NCAPG: variants seen among roughly 807,000 people sequenced by gnomAD.
The protein encoded by NCAPG is non-SMC condensin I complex subunit G.
Under a neutral mutation model 113.1 loss-of-function variants are expected in NCAPG, and 69 were observed. The observed-to-expected ratio is 0.61, with a 90% CI of 0.50 to 0.75. The LOEUF is 0.75. Among genes scored for constraint, NCAPG ranks in the 30% least tolerant of loss-of-function variants. The pLI, the probability that NCAPG is intolerant of heterozygous loss-of-function variation, is 0.00. For synonymous variants in NCAPG, 370 were observed against 415.8 expected, an observed-to-expected ratio of 0.89 and a Z score of 1.34; for missense variants, 1,058 against 1,177.0, an observed-to-expected ratio of 0.90 and a Z score of 1.48.
chr4:17,821,110 T>A (rs1159710729), intron 7 of NCAPG, among the ~76,000 whole-genome samples: 2 of 152,110 alleles, frequency 1.3e-5, no homozygotes, highest in Admixed American at 6.6e-5. Context: ...AACAACTGTT[T>A]GAATTTACTT....
At chr4:17,825,659 C>T in intron 11 of NCAPG, 98 bp downstream of exon 11, 1 of 1,069,498 alleles carries the variant, frequency 9.4e-7, no homozygotes, top group South Asian at 1.6e-5. Context: ...AATATATTTA[C>T]TTTGAGCACT....
At chr4:17,814,820 C>T in intron 3 of NCAPG, 33 bp from the exon 4 acceptor site, 1 of 1,580,982 alleles carries the variant, frequency 6.3e-7, no homozygotes, top group East Asian at 2.2e-5. Context: ...TAAATAATTT[C>T]ATCAGTACTA....
In NCAPG at chr4:17,840,097, A is replaced by C. The variant is rs774865381; in HGVS notation, c.2655A>C (p.Arg885Ser). Residue 885 changes from arginine to serine, a missense_variant, in exon 18 of 21, where the codon AGA (arginine) becomes AGC (serine). By Grantham distance (110) the Arg-to-Ser change is moderately radical (BLOSUM62 -1). Coordinates refer to ENST00000251496, the MANE Select transcript of NCAPG (RefSeq NM_022346.5). Reference sequence around the variant, plus strand: ...AAGTAAAAGATAGGACATGTCTGAGAGCTTTGGAGAAAATCAAGATTCAGT... The same window carrying C: ...AAGTAAAAGATAGGACATGTCTGAGCGCTTTGGAGAAAATCAAGATTCAGT... ...LEQVKDRTCL[R>S]ALEKIKIQLE... 1.2e-6 allele frequency: 2 copies of C among 1,610,324 alleles called. No individual in the cohort carries two copies. The highest frequency in any genetic ancestry group is 2.2e-5 in the East Asian group (1 of 44,752).
chr4:17,813,074 T>C lies in NCAPG; in HGVS notation c.473T>C (p.Val158Ala), dbSNP rs1226797815. ...AGATTGAAAGATAAGATTCCAAATG[T>C]GAGAATACAGGCAGTTCTGGCGCTT... is the stretch of plus-strand genomic sequence containing the variant. ...LIRLKDKIPN[V>A]RIQAVLALSR... Residue 158 changes from valine to alanine, a missense_variant, in exon 3 of 21, where the codon GTG (valine) becomes GCG (alanine). Val to Ala is a moderately conservative substitution (Grantham distance 64). Coordinates refer to ENST00000251496, the MANE Select transcript of NCAPG (RefSeq NM_022346.5). The C allele has an allele frequency of 6.2e-7, 1 of 1,614,096 alleles. No homozygotes were observed. The highest frequency in any genetic ancestry group is 1.1e-5 in the South Asian group (1 of 91,086).
At chr4:17,840,765 G>A in intron 19 of NCAPG, 72 bp downstream of exon 19, 2 of 999,980 alleles carry the variant, frequency 2.0e-6, no homozygotes, top group Non-Finnish European at 2.8e-6. Context: ...TACTTGTTTT[G>A]CAAGTTTTCT....
chr4:17,832,091 T>C (rs1032602249), intron 13 of NCAPG, among the ~76,000 whole-genome samples: 1 of 152,230 alleles, frequency 6.6e-6, no homozygotes, highest in African/African-American at 2.4e-5. Context: ...TTATGGACAC[T>C]GAAATTTGAA....
intron 17 of NCAPG, 54 bp from the exon 18 acceptor site, chr4:17,840,017 C>T (rs1196530084): frequency 1.3e-6 from 2 of 1,543,898 alleles, no homozygotes; most frequent in Non-Finnish European, 1.7e-6. Context: ...GTACTATTTT[C>T]AAAGATTAGG....
rs1185816352 is a variant in NCAPG, at chr4:17,843,742, A to C, written c.*317A>C. On this transcript the variant is annotated 3_prime_UTR_variant, in exon 21 of 21. Coordinates refer to ENST00000251496, the MANE Select transcript of NCAPG (RefSeq NM_022346.5). ...AAAATCATGTCATTATGGAAAACTT[A>C]CAAGTGTAACTAGCTAGTAGCTTGC... The C allele has an allele frequency of 5.7e-6, 1 of 176,224 alleles. No individual in the cohort carries two copies. The highest frequency in any genetic ancestry group is 2.4e-5 in the African/African-American group (1 of 42,236). 10.9% of individuals were successfully genotyped at this position (176,224 alleles called of 1,614,324 possible). A position where few individuals can be genotyped will look rare whatever the true frequency, so the allele number is the denominator to read the frequency against.
At chr4:17,825,331 T>C in intron 10 of NCAPG, 51 bp from the exon 11 acceptor site, 2 of 1,444,726 alleles carry the variant, frequency 1.4e-6, no homozygotes, top group South Asian at 2.7e-5. Flanking sequence ...CTACAGATAT[T>C]CATATTAACA....
In NCAPG at chr4:17,814,986, G is replaced by T. The variant is rs756236551; in HGVS notation, c.678G>T (p.Lys226Asn). 6.2e-7 allele frequency: 1 copy of T among 1,614,168 alleles called. No individual in the cohort carries two copies. Among genetic ancestry groups the T allele is most frequent in the Admixed American group, 1.7e-5 (1 of 60,024 alleles). ...RTKDVKEAVR[K>N]LAYQVLAEKV... The stretch of plus-strand genomic sequence containing the variant: ...AGGATGTGAAAGAGGCTGTCAGAAA[G>T]CTGGCTTATCAGGTAAATAAGTTCA... The change falls in exon 4 of 21, where the codon AAG (lysine) becomes AAT (asparagine). Residue 226 changes from lysine (K) to asparagine (N), a missense_variant. Physicochemically the swap from Lys to Asn is moderately conservative, Grantham distance 94 (BLOSUM62 0). Transcript: ENST00000251496.
chr4:17,833,153 T>G (rs1401750055), intron 13 of NCAPG, among the ~76,000 whole-genome samples: 2 of 152,034 alleles, frequency 1.3e-5, no homozygotes, highest in Admixed American at 1.3e-4. Context: ...AGGTTGATCA[T>G]GAGATCAGGA....
chr4:17,823,217 C>T lies in NCAPG; in HGVS notation c.1259+94C>T, dbSNP rs1721530542. 1.8e-5 allele frequency: 22 copies of T among 1,227,456 alleles called. No individual in the cohort carries two copies. The South Asian group carries it at 1.8e-4, about 10-fold the overall frequency. 76.0% of individuals were successfully genotyped at this position (1,227,456 alleles called of 1,614,324 possible). A position where few individuals can be genotyped will look rare whatever the true frequency, so the allele number is the denominator to read the frequency against. ...TACAATATAACTAAACATATTTACC[C>T]TAGCTCTCTAAAGTGGTATAAAAAG... On this transcript the variant is annotated intron_variant, in intron 8 of 20. Coordinates refer to ENST00000251496, the MANE Select transcript of NCAPG (RefSeq NM_022346.5).
At position 17,842,421 on chromosome 4, in the gene NCAPG, C is replaced by A; in HGVS notation, c.2924+42C>A. The A allele has an allele frequency of 4.7e-6, 7 of 1,501,210 alleles. No homozygotes were observed. In the South Asian group the frequency reaches 8.1e-5, roughly 17 times the overall value. The allele number at this position is 1,501,210 out of a possible 1,614,324, so 93.0% of individuals were successfully genotyped here. A position where few individuals can be genotyped will look rare whatever the true frequency, so the allele number is the denominator to read the frequency against. ...TAGAATATATGGAGGCCTATCTTCA[C>A]TTTTTATTTCTACAAGTAGAAAAAA... On this transcript the variant is annotated intron_variant, in intron 20 of 20. Transcript: ENST00000251496.
intron 3 of NCAPG, 38 bp from the exon 4 acceptor site, chr4:17,814,815 A>G (rs765286104): frequency 6.4e-7 from 1 of 1,573,808 alleles, no homozygotes; most frequent in East Asian, 2.2e-5. Context: ...TTAAATAAAT[A>G]ATTTCATCAG....
In NCAPG at chr4:17,814,897, C is replaced by T. The variant is rs774735569; in HGVS notation, c.589C>T (p.Arg197Trp). The T allele has an allele frequency of 1.5e-5, 24 of 1,613,942 alleles. No homozygotes were observed. In the East Asian group the frequency reaches 1.8e-4, roughly 12 times the overall value. Residue 197 changes from arginine to tryptophan, a missense_variant, in exon 4 of 21, where the codon CGG (arginine) becomes TGG (tryptophan). By Grantham distance (101) the Arg-to-Trp change is moderately radical (BLOSUM62 -3). Coordinates refer to ENST00000251496, the MANE Select transcript of NCAPG (RefSeq NM_022346.5). ...AAATGATTCAAATCCAGAAGTTAGA[C>T]GGGCAGTGTTATCATGTATTGCACC... ...IENDSNPEVRRAVLSCIAPSA... is the reference protein window; with the variant it reads ...IENDSNPEVRWAVLSCIAPSA...
chr4:17,828,278 A>T lies in NCAPG; in HGVS notation c.1654A>T (p.Asn552Tyr). 6.3e-7 allele frequency: 1 copy of T among 1,598,996 alleles called. No individual in the cohort carries two copies. The highest frequency in any genetic ancestry group is 8.5e-7 in the Non-Finnish European group (1 of 1,172,198). The change falls in exon 12 of 21, where the codon AAT (asparagine) becomes TAT (tyrosine). Residue 552 changes from asparagine to tyrosine, a missense_variant and splice_region_variant. By Grantham distance (143) the Asn-to-Tyr change is moderately radical. Transcript: ENST00000251496. ...GCTGAATATTTTGTCTTCATTTTAGAATGATGCTGAAACATTGCAGAAATG... is the reference window on the plus strand; with the variant it reads ...GCTGAATATTTTGTCTTCATTTTAGTATGATGCTGAAACATTGCAGAAATG... ...LEIKEVHIEK[N>Y]DAETLQKCLI... is the part of the protein sequence containing the mutation.
At position 17,832,399 on chromosome 4, in the gene NCAPG, T is replaced by C. The variant is rs1368579680; in HGVS notation, c.1884+1283T>C. Among the ~76,000 whole-genome samples, 3 of 152,270 alleles carry C rather than the reference T, an allele frequency of 2.0e-5. No individual in the cohort carries two copies. In the East Asian group the frequency reaches 5.8e-4, roughly 29 times the overall value. On this transcript the variant is annotated intron_variant, in intron 13 of 20. Transcript: ENST00000251496. Reference sequence around the variant, plus strand: ...ATTTGCTAATGAATCTGACATGGTATGTGAGAGAAAGGTGGAGGATAATTT... The same window carrying C: ...ATTTGCTAATGAATCTGACATGGTACGTGAGAGAAAGGTGGAGGATAATTT...
At chr4:17,837,492 A>G (rs992822493) in intron 15 of NCAPG, 135 bp from the exon 16 acceptor site, 1 of 1,251,022 alleles carries the variant, frequency 8.0e-7, no homozygotes, top group South Asian at 1.5e-5. Context: ...GATTTTATCT[A>G]TCTGAATTTT....
intron 14 of NCAPG, among the ~76,000 whole-genome samples, chr4:17,834,887 A>T (rs1722031599): frequency 6.6e-6 from 1 of 152,180 alleles, no homozygotes; most frequent in African/African-American, 2.4e-5. Flanking sequence ...TCACTATCAT[A>T]CCTAATTTCT....
Sources: allele counts gnomAD v4.1 joint callset (sites outside exome capture counted in the v4.1 genomes callset), GRCh38; gene constraint gnomAD v4.1.1; transcripts MANE v1.5; gene names NCBI Gene and HGNC (gene_info 2026-07-23, HGNC 2026-07-21).